Variants in FER1L5 observed in about 807,000 individuals in gnomAD.
The protein encoded by FER1L5 is fer-1-like protein 5.
A neutral mutation model predicts 279.9 loss-of-function variants in FER1L5; 187 were observed. The observed-to-expected ratio is 0.67, with a 90% CI of 0.59 to 0.75. The LOEUF is 0.75. Among genes scored for constraint, FER1L5 ranks in the 30% least tolerant of loss-of-function variants. FER1L5 has a pLI of 0.00. For synonymous variants in FER1L5, 921 were observed against 989.7 expected, an observed-to-expected ratio of 0.93 and a Z score of 1.30; for missense variants, 2,091 against 2,594.4, an observed-to-expected ratio of 0.81 and a Z score of 4.21.
At chr2:96,675,057 G>A (rs1435500999) in intron 19 of FER1L5, among the ~76,000 whole-genome samples, 3 of 151,934 alleles carry the variant, frequency 2.0e-5, no homozygotes, top group Admixed American at 6.6e-5. Context: ...GGACTCTTTC[G>A]GTCTGTATTC....
In FER1L5 at chr2:96,647,065, C is replaced by A; in HGVS notation, c.140C>A (p.Thr47Asn). ...CTGACCTCTCTATGCCCCCCACAGA[C>A]CCTAATCTGGCACCTCTGGAACCGC... ...VEGNDPVWNE[T>N]LIWHLWNRPL... Residue 47 changes from threonine (T) to asparagine (N), a missense_variant and splice_region_variant, in exon 3 of 53, where the codon ACC (threonine) becomes AAC (asparagine). Coordinates refer to ENST00000624922, the MANE Select transcript of FER1L5 (RefSeq NM_001293083.2). 1 of 1,551,624 alleles carries A rather than the reference C, an allele frequency of 6.4e-7. No homozygotes were observed. The highest frequency in any genetic ancestry group is 1.2e-5 in the South Asian group (1 of 84,068).
At chr2:96,656,505 C>G (rs2075605976) in intron 9 of FER1L5, among the ~76,000 whole-genome samples, 2 of 152,182 alleles carry the variant, frequency 1.3e-5, no homozygotes, top group African/African-American at 4.8e-5. Context: ...TGGCACATGC[C>G]TGTAATCCCA....
At chr2:96,692,025 G>GA (rs879207135) in intron 30 of FER1L5, 62 bp downstream of exon 30, 5 of 1,270,572 alleles carry the variant, frequency 3.9e-6, no homozygotes, top group Non-Finnish European at 4.5e-6. Flanking sequence ...AGGGCGGGGG[G>GA]GGGGGACAGG....
intron 9 of FER1L5, among the ~76,000 whole-genome samples, chr2:96,659,393 CTTT>C (rs2075802881): frequency 1.1e-3 from 9 of 8,226 alleles, no homozygotes; most frequent in Non-Finnish European, 1.5e-3. Context: ...TTCTTTCTTT[CTTT>C]CTTTCTTTCT....
chr2:96,655,768 G>A (rs2075574152), intron 9 of FER1L5, among the ~76,000 whole-genome samples: 1 of 152,044 alleles, frequency 6.6e-6, no homozygotes, highest in Non-Finnish European at 1.5e-5. Context: ...GGATTGCAGT[G>A]GTGCAATCCC....
intron 30 of FER1L5, 24 bp from the exon 31 acceptor site, chr2:96,692,080 C>T: frequency 6.4e-7 from 1 of 1,551,046 alleles, no homozygotes; most frequent in Non-Finnish European, 8.7e-7. Context: ...GGGCAGGTGA[C>T]AGGCATGGCT....
intron 9 of FER1L5, 75 bp from the exon 10 acceptor site, chr2:96,660,266 T>C (rs1411015439): frequency 6.8e-7 from 1 of 1,480,666 alleles, no homozygotes; most frequent in Non-Finnish European, 9.2e-7. Context: ...AGCTAGCAGT[T>C]GGGTCAGGTT....
chr2:96,667,951 C>T (rs951302715), intron 14 of FER1L5, among the ~76,000 whole-genome samples: 1 of 152,108 alleles, frequency 6.6e-6, no homozygotes. Context: ...GCCTCAACCT[C>T]ACGGGCTCAA....
Position 96,694,333 on chromosome 2 carries a change from G to T in FER1L5, c.3637-27G>T. 1 of 1,530,410 alleles carries T rather than the reference G, an allele frequency of 6.5e-7. No individual in the cohort carries two copies. Among genetic ancestry groups the T allele is most frequent in the Non-Finnish European group, 8.8e-7 (1 of 1,135,062 alleles). The allele number at this position is 1,530,410 out of a possible 1,614,324, so 94.8% of individuals were successfully genotyped here. ...TGAGGGCAGCAGGACCAGCCCAGAG[G>T]GCCTCATGCTCCCTGCCCTCCCCCA... On this transcript the variant is annotated intron_variant, in intron 33 of 52. Coordinates refer to ENST00000624922, the MANE Select transcript of FER1L5 (RefSeq NM_001293083.2). The surrounding 1 kb of genome is among the most constrained non-coding windows in gnomAD (Gnocchi z 4.6).
In FER1L5 at chr2:96,699,032, T is replaced by C. The variant is rs2077491336; in HGVS notation, c.4519-13T>C. ...CCAGTTCCTATCCTTCCCCCACTTG[T>C]ATCTGACCCCAGTGTGACCCTTATG... On this transcript the variant is annotated splice_polypyrimidine_tract_variant and intron_variant, in intron 41 of 52. Coordinates refer to ENST00000624922, the MANE Select transcript of FER1L5 (RefSeq NM_001293083.2). 3.7e-6 allele frequency: 6 copies of C among 1,602,734 alleles called. No homozygotes were observed. Among genetic ancestry groups the C allele is most frequent in the Non-Finnish European group, 4.3e-6 (5 of 1,174,724 alleles).
intron 1 of FER1L5, among the ~76,000 whole-genome samples, chr2:96,646,059 C>T (rs568629898): frequency 4.3e-4 from 59 of 136,854 alleles, no homozygotes; most frequent in Non-Finnish European, 6.8e-4. Context: ...AGTGCAGTGG[C>T]GGGATCTCAG....
Position 96,647,772 on chromosome 2 carries a change from C to T in FER1L5, c.231-6C>T. The T allele has an allele frequency of 1.3e-6, 2 of 1,548,754 alleles. No homozygotes were observed. The highest frequency in any genetic ancestry group is 1.2e-5 in the South Asian group (1 of 83,980). On this transcript the variant is annotated splice_region_variant and splice_polypyrimidine_tract_variant and intron_variant, in intron 3 of 52. Transcript: ENST00000624922. ...AGGATCTCACATCTGCTCCTTGTCTCCCCAGATTCATTGGCCTGGCCACAG... is the reference window on the plus strand; with the variant it reads ...AGGATCTCACATCTGCTCCTTGTCTTCCCAGATTCATTGGCCTGGCCACAG...
chr2:96,648,467 G>A (rs1220448462), intron 4 of FER1L5, among the ~76,000 whole-genome samples: 1 of 152,260 alleles, frequency 6.6e-6, no homozygotes, highest in Non-Finnish European at 1.5e-5. Flanking sequence ...TGCCCTGATT[G>A]GAGGCTACGG....
At chr2:96,666,659 AT>A (rs1234077673) in intron 14 of FER1L5, among the ~76,000 whole-genome samples, 1,958 of 145,404 alleles carry the variant, frequency 0.013, 123 homozygotes, top group Admixed American at 0.11. Flanking sequence ...TTATTTATTT[AT>A]TTTTTTTTTT....
rs1022939126 is a variant in FER1L5, at chr2:96,663,465, C to T, written c.1098C>T (p.Thr366=). The change falls in exon 14 of 53, where the codon ACC becomes ACT. Residue 366 remains threonine (T), a synonymous_variant. Coordinates refer to ENST00000624922, the MANE Select transcript of FER1L5 (RefSeq NM_001293083.2). ...EKLRTHMQTQ[T]DNPIWNQILT... ...TCAGGACACACATGCAGACCCAAAC[C>T]GACAACCCGATATGGAACCAGATCC... 3.4e-5 allele frequency: 53 copies of T among 1,551,416 alleles called. No individual in the cohort carries two copies. The highest frequency in any genetic ancestry group is 1.7e-4 in the Middle Eastern group (1 of 6,016).
chr2:96,648,034 G>GC, intron 4 of FER1L5, 148 bp downstream of exon 4: 2 of 633,918 alleles, frequency 3.2e-6, no homozygotes, highest in East Asian at 2.7e-5. Flanking sequence ...CATCATCTGC[G>GC]CCCCCCTCCC....
intron 19 of FER1L5, among the ~76,000 whole-genome samples, chr2:96,680,008 A>G (rs1376184842): frequency 6.6e-6 from 1 of 151,994 alleles, no homozygotes; most frequent in Non-Finnish European, 1.5e-5. Flanking sequence ...ACTTTCTGCA[A>G]TCTGCCCCTA....
intron 18 of FER1L5, among the ~76,000 whole-genome samples, chr2:96,671,360 G>A (rs929248037): frequency 6.6e-6 from 1 of 152,110 alleles, no homozygotes; most frequent in African/African-American, 2.4e-5. Flanking sequence ...CTAGAGAGGA[G>A]GTGGGTAGGT....
rs367716506 is a variant in FER1L5 at position 96,703,065 on chromosome 2, G to A, written c.5485G>A (p.Asp1829Asn). The A allele has an allele frequency of 2.4e-4, 383 of 1,613,594 alleles. No homozygotes were observed. The highest frequency in any genetic ancestry group is 5.8e-4 in the Admixed American group (35 of 59,964). ...QVWDNDIFSP[D>N]DFLGVLELDL... is the part of the protein sequence containing the mutation. ...CTGGGACAATGACATCTTCTCCCCC[G>A]ACGACTTCCTAGGTGAGGTCCTGAC... The change falls in exon 49 of 53, where the codon GAC (aspartate) becomes AAC (asparagine). Residue 1829 changes from aspartate to asparagine, a missense_variant. Coordinates refer to ENST00000624922, the MANE Select transcript of FER1L5 (RefSeq NM_001293083.2).
Sources: allele counts gnomAD v4.1 joint callset (sites outside exome capture counted in the v4.1 genomes callset), GRCh38; gene constraint gnomAD v4.1.1; non-coding constraint Gnocchi (gnomAD v3.1); transcripts MANE v1.5; gene names NCBI Gene and HGNC (gene_info 2026-07-23, HGNC 2026-07-21).